Variants in DISP1 observed in about 807,000 individuals in gnomAD.
DISP1 encodes dispatched RND transporter family member 1, also known as protein dispatched homolog 1.
A neutral mutation model predicts 37.3 loss-of-function variants in DISP1; 30 were observed. That is an observed-to-expected ratio of 0.80 (90% CI 0.60 to 1.09). The LOEUF is 1.09. Among genes scored for constraint, DISP1 ranks in the 50% least tolerant of loss-of-function variants. The pLI, the probability that DISP1 is intolerant of heterozygous loss-of-function variation, is 0.00. For synonymous variants in DISP1, 634 were observed against 690.2 expected, an observed-to-expected ratio of 0.92 and a Z score of 1.28; for missense variants, 1,598 against 1,879.5, an observed-to-expected ratio of 0.85 and a Z score of 2.77.
At chr1:222,983,207 C>T (rs111313368) in intron 4 of DISP1, 98 bp downstream of exon 4, 3 of 956,566 alleles carry the variant, frequency 3.1e-6, no homozygotes, top group Non-Finnish European at 5.0e-6. Context: ...TTTCACTTTC[C>T]TCATTCATAT....
At chr1:222,844,702 A>C (rs1360901114) in intron 1 of DISP1, among the ~76,000 whole-genome samples, 1 of 152,130 alleles carries the variant, frequency 6.6e-6, no homozygotes, top group African/African-American at 2.4e-5. Context: ...TGAGACATTG[A>C]GTTTTTCTCA....
At chr1:222,999,719 A>G (rs1679306939) in intron 8 of DISP1, among the ~76,000 whole-genome samples, 1 of 152,204 alleles carries the variant, frequency 6.6e-6, no homozygotes, top group Non-Finnish European at 1.5e-5. Context: ...TCCAGAACAT[A>G]TGACCTTACT....
intron 3 of DISP1, among the ~76,000 whole-genome samples, chr1:222,951,938 A>G (rs1675254437): frequency 1.3e-5 from 2 of 152,226 alleles, no homozygotes; most frequent in African/African-American, 4.8e-5. Flanking sequence ...GGCAAGTTTT[A>G]TGTGTAAACT....
chr1:222,821,988 G>T (rs1040141253), intron 1 of DISP1, among the ~76,000 whole-genome samples: 1 of 151,808 alleles, frequency 6.6e-6, no homozygotes, highest in Admixed American at 6.6e-5. Context: ...CTTCCACCAT[G>T]ATTGTAAGTT....
intron 1 of DISP1, among the ~76,000 whole-genome samples, chr1:222,912,469 C>T (rs1672263113): frequency 6.6e-6 from 1 of 152,194 alleles, no homozygotes; most frequent in Admixed American, 6.5e-5. Flanking sequence ...TTATGTTCTT[C>T]CCACTATTTG....
chr1:222,874,459 T>A (rs1669827136), intron 1 of DISP1, among the ~76,000 whole-genome samples: 2 of 152,172 alleles, frequency 1.3e-5, no homozygotes, highest in South Asian at 4.1e-4. Context: ...TTCTTTTTAT[T>A]CTTTATTCTT....
chr1:222,936,796 TATATTA>T, intron 2 of DISP1, among the ~76,000 whole-genome samples: 1 of 40,358 alleles, frequency 2.5e-5, no homozygotes, highest in Non-Finnish European at 5.1e-5. Context: ...ATATATATAA[TATATTA>T]TATATATAAA....
intron 1 of DISP1, among the ~76,000 whole-genome samples, chr1:222,869,836 C>T (rs941090326): frequency 9.2e-5 from 14 of 151,734 alleles, no homozygotes; most frequent in African/African-American, 3.2e-4. Flanking sequence ...ATGTGCACAA[C>T]GTGCAGGTTT....
chr1:222,997,410 C>G (rs1679152806), intron 8 of DISP1, among the ~76,000 whole-genome samples: 1 of 152,090 alleles, frequency 6.6e-6, no homozygotes, highest in South Asian at 2.1e-4. Flanking sequence ...CGGGAGGAGA[C>G]AGTTCCCCCA....
At chr1:222,844,764 G>A (rs1286350531) in intron 1 of DISP1, among the ~76,000 whole-genome samples, 4 of 152,126 alleles carry the variant, frequency 2.6e-5, no homozygotes, top group Non-Finnish European at 5.9e-5. Context: ...GAAACAGAAT[G>A]GAACAATTAC....
At chr1:222,913,865 G>A (rs774900908) in intron 1 of DISP1, among the ~76,000 whole-genome samples, 23 of 151,900 alleles carry the variant, frequency 1.5e-4, no homozygotes, top group Admixed American at 2.6e-4. Flanking sequence ...AAATCCAAGT[G>A]GGGGTAACTT....
chr1:222,948,747 A>T (rs1674975848), intron 3 of DISP1, among the ~76,000 whole-genome samples: 1 of 152,230 alleles, frequency 6.6e-6, no homozygotes, highest in Non-Finnish European at 1.5e-5. Context: ...TGTGTTAAAC[A>T]TTGACCGCCT....
intron 8 of DISP1, among the ~76,000 whole-genome samples, chr1:222,999,161 C>T (rs149307147): frequency 6.6e-6 from 1 of 152,154 alleles, no homozygotes; most frequent in East Asian, 1.9e-4. Flanking sequence ...TCAACTCCAC[C>T]CCTGGCACTA....
chr1:222,941,704 A>G (rs998212392), intron 2 of DISP1, among the ~76,000 whole-genome samples: 2 of 152,116 alleles, frequency 1.3e-5, no homozygotes, highest in African/African-American at 4.8e-5. Flanking sequence ...TGAGATTACT[A>G]TGTACTCAGA....
chr1:222,876,475 C>T (rs917540140), intron 1 of DISP1, among the ~76,000 whole-genome samples: 1 of 152,122 alleles, frequency 6.6e-6, no homozygotes, highest in Non-Finnish European at 1.5e-5. Context: ...CAAAATGGTT[C>T]ACTGCAGCAC....
intron 1 of DISP1, among the ~76,000 whole-genome samples, chr1:222,832,800 A>T (rs1301525534): frequency 6.6e-6 from 1 of 152,050 alleles, no homozygotes; most frequent in Non-Finnish European, 1.5e-5. Context: ...GGAGGCTGAG[A>T]CATGAGACTC....
chr1:222,960,035 A>G (rs931022668), intron 3 of DISP1, among the ~76,000 whole-genome samples: 6 of 152,120 alleles, frequency 3.9e-5, no homozygotes, highest in African/African-American at 1.4e-4. Flanking sequence ...ATAGTGGGGG[A>G]CTTTAACACC....
intron 3 of DISP1, among the ~76,000 whole-genome samples, chr1:222,953,121 A>G (rs1675349625): frequency 6.6e-6 from 1 of 152,214 alleles, no homozygotes; most frequent in Non-Finnish European, 1.5e-5. Flanking sequence ...AGAAGCAATC[A>G]TTGTTGCTAC....
intron 2 of DISP1, among the ~76,000 whole-genome samples, chr1:222,941,288 G>A (rs998556640): frequency 3.3e-5 from 5 of 152,138 alleles, no homozygotes; most frequent in Non-Finnish European, 5.9e-5. Context: ...TGGGAACATT[G>A]GAAAGTGATT....
Sources: gnomAD v4.1 joint callset for allele counts (sites outside exome capture counted in the v4.1 genomes callset) on GRCh38, gnomAD v4.1.1 for gene constraint, MANE v1.5 for transcripts, NCBI Gene and HGNC (gene_info 2026-07-23, HGNC 2026-07-21) for gene names.